The following EIPR1 variants were observed in gnomAD, a reference collection of about 807,000 sequenced individuals.
The protein encoded by EIPR1 is EARP complex and GARP complex interacting protein 1, also known as EARP and GARP complex-interacting protein 1.
In EIPR1, 25 loss-of-function variants were observed where a neutral mutation model predicts 48.1. The ratio of observed to expected loss-of-function variants is 0.52; its 90% CI spans 0.38 to 0.73. The LOEUF (loss-of-function observed/expected upper bound fraction) is 0.73. Among genes scored for constraint, EIPR1 ranks in the 30% least tolerant of loss-of-function variants. The probability of loss-of-function intolerance (pLI) is 0.00; values close to 1 mark genes in which losing one functional copy is unlikely to be tolerated. For synonymous variants in EIPR1, 204 were observed against 201.9 expected (o/e 1.01, Z -0.09); for missense variants, 415 against 506.2 (o/e 0.82, Z 1.73).
intron 4 of EIPR1, among the ~76,000 whole-genome samples, chr2:3,220,026 C>A (rs1665824287): frequency 6.6e-6 from 1 of 152,178 alleles, no homozygotes; most frequent in Non-Finnish European, 1.5e-5. Context: ...GAGCGGGAAC[C>A]CTGTTGTGAA....
chr2:3,211,731 G>A (rs1473447061), intron 5 of EIPR1, among the ~76,000 whole-genome samples: 2 of 152,354 alleles, frequency 1.3e-5, no homozygotes, highest in Admixed American at 6.5e-5. Flanking sequence ...CTGCTCTCCT[G>A]CGTGAACAGA....
intron 4 of EIPR1, among the ~76,000 whole-genome samples, chr2:3,223,833 A>C (rs1665975525): frequency 6.6e-6 from 1 of 151,982 alleles, no homozygotes; most frequent in Non-Finnish European, 1.5e-5. Flanking sequence ...AGCCAGAACC[A>C]ATTCGTCCAG....
chr2:3,196,750 T>C (rs775062995), intron 6 of EIPR1, 131 bp downstream of exon 6: 14 of 1,342,586 alleles, frequency 1.0e-5, no homozygotes, highest in South Asian at 9.3e-5. Flanking sequence ...TATGATTTCC[T>C]ACAAAAACGA....
intron 3 of EIPR1, among the ~76,000 whole-genome samples, chr2:3,329,923 C>T (rs77705435): frequency 0.027 from 4,009 of 150,770 alleles, 67 homozygotes; most frequent in Non-Finnish European, 0.04. Context: ...GTATAATGAT[C>T]TCAGGGTACT....
Position 3,294,984 on chromosome 2 carries a change from T to TACAC in EIPR1, c.260-37533_260-37530dup, listed in dbSNP as rs143221197. The stretch of plus-strand genomic sequence containing the variant: ...CACCCTCCATCCAGCCCATCCTCTC[T>TACAC]ACACACACACACACACACCCTCCAT... On this transcript the variant is annotated intron_variant, in intron 3 of 8. Transcript: ENST00000382125. Among the ~76,000 whole-genome samples, 7 of 67,446 alleles carry TACAC rather than the reference T, an allele frequency of 1.0e-4. 2 individuals carry two copies. Among genetic ancestry groups the TACAC allele is most frequent in the Non-Finnish European group, 1.9e-4 (7 of 35,936 alleles). 44.2% of individuals were successfully genotyped at this position (67,446 alleles called of 152,430 possible). A position where few individuals can be genotyped will look rare whatever the true frequency, so the allele number is the denominator to read the frequency against.
At chr2:3,236,839 T>C (rs531989331) in intron 4 of EIPR1, among the ~76,000 whole-genome samples, 1 of 152,308 alleles carries the variant, frequency 6.6e-6, no homozygotes, top group East Asian at 1.9e-4. Flanking sequence ...AAGGGCTGAC[T>C]CAGTATCTTG....
At chr2:3,359,726 G>A (rs1465670079) in intron 1 of EIPR1, among the ~76,000 whole-genome samples, 1 of 152,170 alleles carries the variant, frequency 6.6e-6, no homozygotes, top group African/African-American at 2.4e-5. Flanking sequence ...TGACCACTAA[G>A]TCTAGTCAGA....
chr2:3,353,368 T>C (rs751766530), intron 2 of EIPR1: 1 of 464,186 alleles, frequency 2.2e-6, no homozygotes, highest in South Asian at 1.6e-5. Context: ...TACACCACGT[T>C]GATCATACTG....
At chr2:3,295,102 C>G (rs1360858341) in intron 3 of EIPR1, among the ~76,000 whole-genome samples, 2 of 146,336 alleles carry the variant, frequency 1.4e-5, no homozygotes, top group African/African-American at 5.1e-5. Context: ...TCCACACATA[C>G]ACCCTCCATC....
chr2:3,206,958 C>G (rs897136203), intron 5 of EIPR1, among the ~76,000 whole-genome samples: 1 of 152,152 alleles, frequency 6.6e-6, no homozygotes, highest in Admixed American at 6.5e-5. Context: ...AATGATCATT[C>G]GCTGGCTTTG....
intron 3 of EIPR1, among the ~76,000 whole-genome samples, chr2:3,294,076 T>C (rs186106437): frequency 7.9e-5 from 12 of 152,302 alleles, no homozygotes; most frequent in African/African-American, 2.6e-4. Flanking sequence ...AAAAATTATG[T>C]ATAACCATTT....
At chr2:3,332,763 T>G (rs11127410) in intron 3 of EIPR1, among the ~76,000 whole-genome samples, 42,083 of 152,194 alleles carry the variant, frequency 0.28, 7,826 homozygotes, top group East Asian at 0.64. Context: ...AAACGTTCCA[T>G]GAGTTTATTG....
chr2:3,238,118 CA>C (rs1666474867), intron 4 of EIPR1, among the ~76,000 whole-genome samples: 1 of 151,810 alleles, frequency 6.6e-6, no homozygotes, highest in Non-Finnish European at 1.5e-5. Context: ...TTGCATGCAC[CA>C]AAAAAATTCC....
At chr2:3,200,618 G>A (rs1477065916) in intron 5 of EIPR1, among the ~76,000 whole-genome samples, 1 of 152,100 alleles carries the variant, frequency 6.6e-6, no homozygotes, top group Non-Finnish European at 1.5e-5. Flanking sequence ...TGGGGCCTCG[G>A]GAAGCCTGTC....
At chr2:3,251,622 A>G (rs1050509689) in intron 4 of EIPR1, among the ~76,000 whole-genome samples, 2 of 152,222 alleles carry the variant, frequency 1.3e-5, no homozygotes, top group South Asian at 2.1e-4. Flanking sequence ...CCCACAAGTC[A>G]CTATAGCTGA....
At chr2:3,243,840 C>T (rs934229506) in intron 4 of EIPR1, among the ~76,000 whole-genome samples, 3 of 152,158 alleles carry the variant, frequency 2.0e-5, no homozygotes, top group African/African-American at 4.8e-5. Context: ...TGGGCTGTGA[C>T]GTACAGGGCA....
At chr2:3,311,380 A>T (rs911512516) in intron 3 of EIPR1, among the ~76,000 whole-genome samples, 1 of 152,156 alleles carries the variant, frequency 6.6e-6, no homozygotes, top group African/African-American at 2.4e-5. Flanking sequence ...TTAAAAAAAA[A>T]TATTTTTAGA....
intron 3 of EIPR1, among the ~76,000 whole-genome samples, chr2:3,322,707 G>C (rs1228916490): frequency 6.6e-6 from 1 of 152,228 alleles, no homozygotes; most frequent in African/African-American, 2.4e-5. Context: ...ACAGGGTCCG[G>C]TGAAGACAGC....
intron 4 of EIPR1, among the ~76,000 whole-genome samples, chr2:3,252,365 C>T (rs369981946): frequency 1.4e-4 from 22 of 152,294 alleles, no homozygotes; most frequent in African/African-American, 2.2e-4. Context: ...CTGAGGTGGG[C>T]GGATCACCTG....
Sources: gnomAD v4.1 joint callset for allele counts (sites outside exome capture counted in the v4.1 genomes callset) on GRCh38, gnomAD v4.1.1 for gene constraint, MANE v1.5 for transcripts, NCBI Gene and HGNC (gene_info 2026-07-23, HGNC 2026-07-21) for gene names.